The following UBA3 variants were observed in gnomAD, a reference collection of about 807,000 sequenced individuals.
UBA3 encodes the protein NEDD8-activating enzyme E1 catalytic subunit.
Under a neutral mutation model 73.5 loss-of-function variants are expected in UBA3, and 26 were observed. That is an observed-to-expected ratio of 0.35 (90% CI 0.26 to 0.49). UBA3 has a LOEUF of 0.49. Among genes scored for constraint, UBA3 ranks in the 20% least tolerant of loss-of-function variants. The pLI, the probability that UBA3 is intolerant of heterozygous loss-of-function variation, is 0.98. For missense variants in UBA3, 495 were observed against 555.6 expected (o/e 0.89, Z 1.10); for synonymous variants, 217 against 191.2 (o/e 1.13, Z -1.11).
chr3:69,079,693 T>A (rs1442195816), intron 2 of UBA3: 1 of 190,594 alleles, frequency 5.2e-6, no homozygotes, highest in African/African-American at 2.4e-5. Context: ...CATTAAAAGT[T>A]TGCAATTAGT....
intron 6 of UBA3, among the ~76,000 whole-genome samples, chr3:69,064,456 A>T (rs1442011215): frequency 2.0e-5 from 3 of 152,236 alleles, no homozygotes; most frequent in African/African-American, 7.2e-5. Context: ...CAGCATCAAG[A>T]AGAGATGCAA....
rs1575849849 is a variant in UBA3, at chr3:69,077,626, A to G, written c.183+172T>C. 3 of 705,356 alleles carry G rather than the reference A, an allele frequency of 4.3e-6. No homozygotes were observed. In the East Asian group the frequency reaches 1.0e-4, roughly 24 times the overall value. The allele number at this position is 705,356 out of a possible 1,614,324, so 43.7% of individuals were successfully genotyped here. ...ACATGAGAAATGTTAAGACTCAAAT[A>G]TTCAAACAAAATCAGTTGTGAATAT... On this transcript the variant is annotated intron_variant, in intron 3 of 17. Transcript: ENST00000361055.
chr3:69,056,904 A>T (rs2091978836), intron 12 of UBA3, 89 bp from the exon 13 acceptor site: 1 of 1,379,036 alleles, frequency 7.3e-7, no homozygotes, highest in African/African-American at 1.5e-5. Context: ...ATAAATTTAC[A>T]TTGGCTCTTC....
intron 6 of UBA3, among the ~76,000 whole-genome samples, chr3:69,065,498 C>G (rs374057777): frequency 6.6e-6 from 1 of 152,152 alleles, no homozygotes; most frequent in Non-Finnish European, 1.5e-5. Context: ...CATAACTATT[C>G]GACCACAATA....
rs1368724838 is a variant in UBA3 at position 69,072,484 on chromosome 3, T to C, written c.265-867A>G. Among the ~76,000 whole-genome samples the C allele has an allele frequency of 4.6e-5, 7 of 152,224 alleles. No individual in the cohort carries two copies. The East Asian group carries it at 1.3e-3, about 29-fold the overall frequency. On this transcript the variant is annotated intron_variant, in intron 4 of 17. Transcript: ENST00000361055. Reference sequence around the variant, plus strand: ...CCGTGTTGCTAACTCCAATGACCAATTCTCAATCTATCTGACCTTACCTTT... The same window carrying C: ...CCGTGTTGCTAACTCCAATGACCAACTCTCAATCTATCTGACCTTACCTTT...
intron 5 of UBA3, among the ~76,000 whole-genome samples, chr3:69,070,626 G>T (rs2092113540): frequency 6.6e-6 from 1 of 152,010 alleles, no homozygotes; most frequent in Non-Finnish European, 1.5e-5. Context: ...TGGATACATG[G>T]TCTACTTCAG....
chr3:69,056,597 C>T lies in UBA3; in HGVS notation c.1083+15G>A. The T allele has an allele frequency of 6.3e-7, 1 of 1,587,672 alleles. No homozygotes were observed. The highest frequency in any genetic ancestry group is 8.6e-7 in the Non-Finnish European group (1 of 1,162,982). On this transcript the variant is annotated intron_variant, in intron 14 of 17. Transcript: ENST00000361055. The stretch of plus-strand genomic sequence containing the variant: ...AAATATGCATGATCAAAAATGTGTT[C>T]TTAATACTACTAACCTTTCTTTCTG...
chr3:69,068,278 C>A (rs1281465612), intron 5 of UBA3, among the ~76,000 whole-genome samples: 1 of 152,016 alleles, frequency 6.6e-6, no homozygotes, highest in East Asian at 1.9e-4. Flanking sequence ...TTCTTCCTCC[C>A]AGATAAAGCA....
chr3:69,055,853 T>G lies in UBA3; in HGVS notation c.1301A>C (p.Lys434Thr). The G allele has an allele frequency of 6.2e-7, 1 of 1,610,878 alleles. No homozygotes were observed. Among genetic ancestry groups the G allele is most frequent in the Non-Finnish European group, 8.5e-7 (1 of 1,178,820 alleles). ...RTRPNLSKTL[K>T]ELGLVDGQEL... ...GTAAATACCCTTATGTAAAATACCT[T>G]TCAATGTTTTGGAGAGATTTGGCCT... The change falls in exon 17 of 18, where the codon AAA becomes ACA. Residue 434 changes from lysine (K) to threonine (T), a missense_variant and splice_region_variant. Coordinates refer to ENST00000361055, the MANE Select transcript of UBA3 (RefSeq NM_003968.4).
intron 5 of UBA3, among the ~76,000 whole-genome samples, chr3:69,068,375 G>T (rs923168795): frequency 6.6e-6 from 1 of 151,870 alleles, no homozygotes; most frequent in Non-Finnish European, 1.5e-5. Flanking sequence ...TACTCCACAG[G>T]TCTTGGCTGA....
chr3:69,077,589 T>C lies in UBA3; in HGVS notation c.183+209A>G, dbSNP rs1000749576. 18 of 493,328 alleles carry C rather than the reference T, an allele frequency of 3.6e-5. No homozygotes were observed. The East Asian group carries it at 5.6e-4, about 15-fold the overall frequency. 30.6% of individuals were successfully genotyped at this position (493,328 alleles called of 1,614,324 possible). A position where few individuals can be genotyped will look rare whatever the true frequency, so the allele number is the denominator to read the frequency against. ...AGTTAGATTTTTCTCACAAAAATTT[T>C]CAACTTATATTACATGAGAAATGTT... is the stretch of plus-strand genomic sequence containing the variant. On this transcript the variant is annotated intron_variant, in intron 3 of 17. Transcript: ENST00000361055.
intron 11 of UBA3, among the ~76,000 whole-genome samples, chr3:69,060,791 T>C (rs2092015176): frequency 6.6e-6 from 1 of 152,176 alleles, no homozygotes; most frequent in Non-Finnish European, 1.5e-5. Context: ...CCTGTGATAT[T>C]AAGTTCACGC....
intron 15 of UBA3, 43 bp from the exon 16 acceptor site, chr3:69,056,106 T>C (rs1020736084): frequency 6.4e-7 from 1 of 1,562,602 alleles, no homozygotes; most frequent in Non-Finnish European, 8.6e-7. Flanking sequence ...ATAATTTTTA[T>C]CAAAAGATAA....
intron 5 of UBA3, 167 bp downstream of exon 5, chr3:69,071,368 T>C: frequency 2.0e-6 from 1 of 510,416 alleles, no homozygotes; most frequent in Non-Finnish European, 3.4e-6. Context: ...ATGCCCAAAA[T>C]TTTCTTACAA....
chr3:69,063,395 G>A, intron 8 of UBA3, 44 bp downstream of exon 8: 1 of 1,550,632 alleles, frequency 6.4e-7, no homozygotes, highest in Non-Finnish European at 8.7e-7. Flanking sequence ...GTGAAGCACA[G>A]CAGCAAGAAC....
intron 3 of UBA3, among the ~76,000 whole-genome samples, chr3:69,076,170 T>A (rs936078679): frequency 6.6e-6 from 1 of 152,170 alleles, no homozygotes; most frequent in South Asian, 2.1e-4. Context: ...CCTAAAAATA[T>A]AAAAGTTTAA....
In UBA3 at chr3:69,055,384, G is replaced by T; in HGVS notation, c.*53C>A. The T allele has an allele frequency of 8.4e-7, 1 of 1,191,580 alleles. No homozygotes were observed. Among genetic ancestry groups the T allele is most frequent in the Non-Finnish European group, 1.1e-6 (1 of 876,322 alleles). The allele number at this position is 1,191,580 out of a possible 1,614,324, so 73.8% of individuals were successfully genotyped here. A position where few individuals can be genotyped will look rare whatever the true frequency, so the allele number is the denominator to read the frequency against. ...AAAATGACATCGATTCAACTTCTTAGCATCCACAAAGTATATTATTTCCAT... is the reference window on the plus strand; with the variant it reads ...AAAATGACATCGATTCAACTTCTTATCATCCACAAAGTATATTATTTCCAT... On this transcript the variant is annotated 3_prime_UTR_variant, in exon 18 of 18. Transcript: ENST00000361055.
chr3:69,073,221 A>G (rs2107498247), intron 4 of UBA3, among the ~76,000 whole-genome samples: 1 of 152,280 alleles, frequency 6.6e-6, no homozygotes, highest in Admixed American at 6.5e-5. Context: ...CTTTTGTGAT[A>G]TCCACTCCAA....
chr3:69,059,234 C>G (rs549123613), intron 11 of UBA3, among the ~76,000 whole-genome samples: 1 of 152,060 alleles, frequency 6.6e-6, no homozygotes, highest in South Asian at 2.1e-4. Flanking sequence ...AGAGAATGGT[C>G]AGGGAAGGCC....
Sources: gnomAD v4.1 joint callset for allele counts (sites outside exome capture counted in the v4.1 genomes callset) on GRCh38, gnomAD v4.1.1 for gene constraint, MANE v1.5 for transcripts, NCBI Gene and HGNC (gene_info 2026-07-23, HGNC 2026-07-21) for gene names.